The following MRAS variants were observed in gnomAD, a reference collection of about 807,000 sequenced individuals.
MRAS encodes muscle RAS oncogene homolog, also known as ras-related protein M-Ras.
Under a neutral mutation model 20.9 loss-of-function variants are expected in MRAS, and 4 were observed. The ratio of observed to expected loss-of-function variants is 0.19; its 90% CI spans 0.09 to 0.44. The LOEUF is 0.44. Among genes scored for constraint, MRAS ranks in the 20% least tolerant of loss-of-function variants. The pLI is 0.99. For missense variants in MRAS, 154 were observed against 277.5 expected, an observed-to-expected ratio of 0.56 and a Z score of 3.16; for synonymous variants, 98 against 102.9, an observed-to-expected ratio of 0.95 and a Z score of 0.29.
chr3:138,352,141 G>T (rs1283286976), intron 1 of MRAS, among the ~76,000 whole-genome samples: 1 of 152,266 alleles, frequency 6.6e-6, no homozygotes. Flanking sequence ...AAAGAGGGCA[G>T]TGCTGGCACT....
intron 1 of MRAS, among the ~76,000 whole-genome samples, chr3:138,356,507 A>C (rs907124945): frequency 1.3e-4 from 20 of 152,156 alleles, no homozygotes; most frequent in African/African-American, 4.8e-4. Context: ...TCATTTCTTT[A>C]TATTTTCACT....
chr3:138,368,749 C>T (rs1408621415), intron 1 of MRAS, among the ~76,000 whole-genome samples: 1 of 152,196 alleles, frequency 6.6e-6, no homozygotes, highest in Non-Finnish European at 1.5e-5. Flanking sequence ...ACTTTTCATT[C>T]TGCGGTGACT....
chr3:138,374,203 C>T (rs1255948992), intron 2 of MRAS, among the ~76,000 whole-genome samples: 18 of 151,916 alleles, frequency 1.2e-4, no homozygotes, highest in African/African-American at 3.4e-4. Context: ...CCTCGTGATC[C>T]GCCTGCCTCA....
rs533968819 is a variant in MRAS at position 138,402,425 on chromosome 3, C to T, written c.*156C>T. On this transcript the variant is annotated 3_prime_UTR_variant, in exon 6 of 6. Coordinates refer to ENST00000423968, the MANE Select transcript of MRAS (RefSeq NM_001085049.3). ...CAGGTGGGCAGGGAGCAGACAGGGT[C>T]TGGCTTTGCCCAGAGGGCACGGGCT... 8 of 676,494 alleles carry T rather than the reference C, an allele frequency of 1.2e-5. No individual in the cohort carries two copies. In the East Asian group the frequency reaches 2.2e-4, roughly 19 times the overall value. 41.9% of individuals were successfully genotyped at this position (676,494 alleles called of 1,614,324 possible).
intron 1 of MRAS, among the ~76,000 whole-genome samples, chr3:138,356,827 C>T (rs1156508177): frequency 6.6e-6 from 1 of 152,190 alleles, no homozygotes; most frequent in Non-Finnish European, 1.5e-5. Context: ...GCCAGGTGCC[C>T]TGGCACTCCC....
chr3:138,401,460 T>G (rs1576393323), intron 5 of MRAS, among the ~76,000 whole-genome samples: 1 of 152,284 alleles, frequency 6.6e-6, no homozygotes, highest in African/African-American at 2.4e-5. Context: ...TCACTTTATG[T>G]TTTTGCTGGC....
Position 138,372,847 on chromosome 3 carries a change from A to G in MRAS, c.-18-19A>G, listed in dbSNP as rs2054703218. The G allele has an allele frequency of 2.0e-6, 3 of 1,481,008 alleles. No individual in the cohort carries two copies. The highest frequency in any genetic ancestry group is 2.7e-6 in the Non-Finnish European group (3 of 1,117,558). 91.7% of individuals were successfully genotyped at this position (1,481,008 alleles called of 1,614,324 possible). ...TTAAAAAAGCCCTCTGTCTCATTCCACATGTCTTGCTGCCGCAGGTCTGAC... is the reference window on the plus strand; with the variant it reads ...TTAAAAAAGCCCTCTGTCTCATTCCGCATGTCTTGCTGCCGCAGGTCTGAC... On this transcript the variant is annotated intron_variant, in intron 1 of 5. Coordinates refer to ENST00000423968, the MANE Select transcript of MRAS (RefSeq NM_001085049.3).
intron 1 of MRAS, among the ~76,000 whole-genome samples, chr3:138,361,241 C>T (rs1211166257): frequency 6.6e-6 from 1 of 152,198 alleles, no homozygotes; most frequent in African/African-American, 2.4e-5. Flanking sequence ...CAGGAATCAG[C>T]AGAGCAGAGG....
intron 1 of MRAS, among the ~76,000 whole-genome samples, chr3:138,361,982 C>T (rs2054457935): frequency 6.6e-6 from 1 of 152,220 alleles, no homozygotes; most frequent in African/African-American, 2.4e-5. Flanking sequence ...CTTGATGCAG[C>T]TCTGCCTTCA....
intron 1 of MRAS, among the ~76,000 whole-genome samples, chr3:138,359,813 G>A (rs1485166245): frequency 6.6e-6 from 1 of 152,212 alleles, no homozygotes; most frequent in East Asian, 1.9e-4. Context: ...AGAGTTGTCT[G>A]CCTTAGAACG....
chr3:138,366,591 C>T (rs1351116571), intron 1 of MRAS, among the ~76,000 whole-genome samples: 3 of 152,226 alleles, frequency 2.0e-5, no homozygotes, highest in Non-Finnish European at 4.4e-5. Flanking sequence ...CCAAGGGAAG[C>T]AGCAACAATG....
chr3:138,365,126 C>T (rs1207594683), intron 1 of MRAS, among the ~76,000 whole-genome samples: 1 of 152,240 alleles, frequency 6.6e-6, no homozygotes, highest in East Asian at 1.9e-4. Context: ...TACTCTGTGT[C>T]TCAGTTTCTT....
intron 2 of MRAS, among the ~76,000 whole-genome samples, chr3:138,395,554 G>A (rs562673025): frequency 1.5e-4 from 23 of 152,146 alleles, no homozygotes; most frequent in Middle Eastern, 3.4e-3. Flanking sequence ...GCTAGGCCAC[G>A]TGGCTCCCTC....
intron 2 of MRAS, among the ~76,000 whole-genome samples, chr3:138,376,789 G>A (rs969434202): frequency 1.3e-5 from 2 of 152,202 alleles, no homozygotes; most frequent in African/African-American, 2.4e-5. Context: ...CATATTAGAG[G>A]TGTAGTGATA....
intron 2 of MRAS, among the ~76,000 whole-genome samples, chr3:138,374,059 A>G (rs1021018503): frequency 6.6e-6 from 1 of 152,016 alleles, no homozygotes; most frequent in Non-Finnish European, 1.5e-5. Flanking sequence ...CTCGGGTTCA[A>G]GCAAATCTCT....
At chr3:138,398,135 T>C (rs978505919) in intron 3 of MRAS, among the ~76,000 whole-genome samples, 3 of 152,206 alleles carry the variant, frequency 2.0e-5, no homozygotes, top group Non-Finnish European at 4.4e-5. Context: ...GCCATCCTAA[T>C]TGTGCAGCTG....
intron 2 of MRAS, among the ~76,000 whole-genome samples, chr3:138,393,782 T>G (rs943096959): frequency 2.0e-5 from 3 of 152,100 alleles, no homozygotes; most frequent in Non-Finnish European, 4.4e-5. Context: ...CTCTGCCTCC[T>G]GGGTTCAAGT....
intron 1 of MRAS, among the ~76,000 whole-genome samples, chr3:138,358,884 A>G (rs1464178455): frequency 1.3e-5 from 2 of 152,190 alleles, no homozygotes; most frequent in Non-Finnish European, 2.9e-5. Flanking sequence ...ATAAACGGTC[A>G]TTATAATGAC....
Position 138,356,153 on chromosome 3 carries a change from T to C in MRAS, c.-19+7386T>C, listed in dbSNP as rs76006720. ...CACATATGTGTTATACTTACAGGCA[T>C]ACCTTTTTAAAGACAAGTTTGGGTT... On this transcript the variant is annotated intron_variant, in intron 1 of 5. Coordinates refer to ENST00000423968, the MANE Select transcript of MRAS (RefSeq NM_001085049.3). Among the ~76,000 whole-genome samples the C allele has an allele frequency of 4.0e-4, 61 of 152,356 alleles. 1 individual carries two copies. In the East Asian group the frequency reaches 0.011, roughly 27 times the overall value.
Sources: gnomAD v4.1 joint callset for allele counts (sites outside exome capture counted in the v4.1 genomes callset) on GRCh38, gnomAD v4.1.1 for gene constraint, MANE v1.5 for transcripts, NCBI Gene and HGNC (gene_info 2026-07-23, HGNC 2026-07-21) for gene names.